PHKG1: variants seen among roughly 807,000 people sequenced by gnomAD.
The protein encoded by PHKG1 is phosphorylase b kinase gamma catalytic chain, skeletal muscle/heart isoform.
In PHKG1, 48 loss-of-function variants were observed where a neutral mutation model predicts 50.5. That is an observed-to-expected ratio of 0.95 (90% CI 0.75 to 1.21). The LOEUF (loss-of-function observed/expected upper bound fraction) is 1.21. PHKG1 is among the 50% of genes most tolerant of loss of function. The pLI, the probability that PHKG1 is intolerant of heterozygous loss-of-function variation, is 0.00. For missense variants in PHKG1, 487 were observed against 519.5 expected, an observed-to-expected ratio of 0.94 and a Z score of 0.61; for synonymous variants, 204 against 212.8, an observed-to-expected ratio of 0.96 and a Z score of 0.36.
intron 6 of PHKG1, 67 bp downstream of exon 6, chr7:56,083,211 C>G: frequency 7.0e-7 from 1 of 1,438,450 alleles, no homozygotes; most frequent in Non-Finnish European, 9.7e-7. Flanking sequence ...CCCAGACCAT[C>G]TCTATTCTGC....
chr7:56,086,902 G>C, intron 4 of PHKG1, 68 bp downstream of exon 4: 1 of 1,215,994 alleles, frequency 8.2e-7, no homozygotes. Context: ...AGGCAGCCCT[G>C]GGGTTGGGGA....
At position 56,081,779 on chromosome 7, in the gene PHKG1, C is replaced by T. The variant is rs553044455; in HGVS notation, c.793-24G>A. The T allele has an allele frequency of 5.8e-6, 9 of 1,563,618 alleles. No individual in the cohort carries two copies. The highest frequency in any genetic ancestry group is 3.4e-5 in the South Asian group (3 of 88,012). Reference sequence around the variant, plus strand: ...ACCTGTGAGAGGAGGAGAGGGGAACCGAGAATGTCAAGGCAGGTCCCCTCC... The same window carrying T: ...ACCTGTGAGAGGAGGAGAGGGGAACTGAGAATGTCAAGGCAGGTCCCCTCC... On this transcript the variant is annotated intron_variant, in intron 8 of 9. Coordinates refer to ENST00000297373, the MANE Select transcript of PHKG1 (RefSeq NM_006213.5). The surrounding 1 kb of genome is among the most constrained non-coding windows in gnomAD (Gnocchi z 4.6).
In PHKG1 at chr7:56,080,732, ACT is replaced by A. The variant is rs1562874717; in HGVS notation, c.*320_*321del. The A allele has an allele frequency of 2.7e-6, 1 of 373,052 alleles. No homozygotes were observed. Among genetic ancestry groups the A allele is most frequent in the Non-Finnish European group, 5.0e-6 (1 of 200,080 alleles). 23.1% of individuals were successfully genotyped at this position (373,052 alleles called of 1,614,324 possible). A position where few individuals can be genotyped will look rare whatever the true frequency, so the allele number is the denominator to read the frequency against. ...AGGGAAGAAAGCCTGAGTGTCAGTA[ACT>A]CTGGGCCTCCCCTAAAGAGAAATGG... On this transcript the variant is annotated 3_prime_UTR_variant, in exon 10 of 10. Transcript: ENST00000297373.
intron 1 of PHKG1, among the ~76,000 whole-genome samples, chr7:56,091,804 G>A (rs545341471): frequency 6.6e-6 from 1 of 152,326 alleles, no homozygotes; most frequent in Non-Finnish European, 1.5e-5. Flanking sequence ...CCAGAAGAAG[G>A]TTTAGAATAA....
At chr7:56,089,760 GT>G (rs1278471714) in intron 1 of PHKG1, among the ~76,000 whole-genome samples, 2 of 152,108 alleles carry the variant, frequency 1.3e-5, no homozygotes, top group Admixed American at 1.3e-4. Flanking sequence ...CTGACCTCAG[GT>G]GATCCTCCCA....
intron 4 of PHKG1, among the ~76,000 whole-genome samples, chr7:56,086,064 C>G (rs933348434): frequency 6.6e-6 from 1 of 151,642 alleles, no homozygotes; most frequent in Non-Finnish European, 1.5e-5. Flanking sequence ...CCTGCAGGAC[C>G]TGGTCTTTGG....
intron 2 of PHKG1, 50 bp downstream of exon 2, chr7:56,088,809 G>C (rs533587689): frequency 1.5e-6 from 2 of 1,291,224 alleles, no homozygotes; most frequent in Non-Finnish European, 2.2e-6. Flanking sequence ...TAGCCCACAG[G>C]GTCTGCTGGA....
At position 56,081,794 on chromosome 7, in the gene PHKG1, A is replaced by C; in HGVS notation, c.793-39T>G. The C allele has an allele frequency of 6.5e-7, 1 of 1,547,264 alleles. No homozygotes were observed. On this transcript the variant is annotated intron_variant, in intron 8 of 9. Coordinates refer to ENST00000297373, the MANE Select transcript of PHKG1 (RefSeq NM_006213.5). The surrounding 1 kb of genome is among the most constrained non-coding windows in gnomAD (Gnocchi z 4.6). ...AGAGGGGAACCGAGAATGTCAAGGC[A>C]GGTCCCCTCCAGCATGTCAGGAAAG... is the stretch of plus-strand genomic sequence containing the variant.
rs982358560 is a variant in PHKG1, at chr7:56,083,142, C to T, written c.547+136G>A. 14 of 717,138 alleles carry T rather than the reference C, an allele frequency of 2.0e-5. No homozygotes were observed. In the African/African-American group the frequency reaches 2.2e-4, roughly 11 times the overall value. The allele number at this position is 717,138 out of a possible 1,614,324, so 44.4% of individuals were successfully genotyped here. Reference sequence around the variant, plus strand: ...AAAAGAAAGAAAAAGAAAAAAAAATCCCTAGCCCTTGAAATGGTGGAATTT... The same window carrying T: ...AAAAGAAAGAAAAAGAAAAAAAAATTCCTAGCCCTTGAAATGGTGGAATTT... On this transcript the variant is annotated intron_variant, in intron 6 of 9. Transcript: ENST00000297373.
rs768600789 is a variant in PHKG1, at chr7:56,081,176, C to T, written c.1042G>A (p.Asp348Asn). 33 of 1,613,780 alleles carry T rather than the reference C, an allele frequency of 2.0e-5. No homozygotes were observed. Among genetic ancestry groups the T allele is most frequent in the Admixed American group, 1.0e-4 (6 of 59,986 alleles). Reference sequence around the variant, plus strand: ...CCATAGATTCGGAAAGCGTAGGCGTCGATGAGCCGGCGCAGAGGCCGGAGG... The same window carrying T: ...CCATAGATTCGGAAAGCGTAGGCGTTGATGAGCCGGCGCAGAGGCCGGAGG... Reference protein sequence around the residue: ...YALRPLRRLIDAYAFRIYGHW... With the variant: ...YALRPLRRLINAYAFRIYGHW... Residue 348 changes from aspartate (D) to asparagine (N), a missense_variant, in exon 10 of 10, where the codon GAC (aspartate) becomes AAC (asparagine). By Grantham distance (23) the Asp-to-Asn change is conservative (BLOSUM62 1). Transcript: ENST00000297373. The surrounding 1 kb of genome is among the most constrained non-coding windows in gnomAD (Gnocchi z 4.6).
At chr7:56,090,906 C>G (rs922289320) in intron 1 of PHKG1, among the ~76,000 whole-genome samples, 1 of 152,172 alleles carries the variant, frequency 6.6e-6, no homozygotes, top group Non-Finnish European at 1.5e-5. Context: ...GGGAACTCAA[C>G]TCCTGCTTCA....
At position 56,083,427 on chromosome 7, in the gene PHKG1, G is replaced by A; in HGVS notation, c.398C>T (p.Ala133Val). 6.2e-7 allele frequency: 1 copy of A among 1,614,172 alleles called. No homozygotes were observed. ...CAAGGTGCAGATCACCTCCAGCAGA[G>A]CTCGCATGATCTTTCTAGGGTGGGG... is the stretch of plus-strand genomic sequence containing the variant. Reference protein sequence around the residue: ...SEKETRKIMRALLEVICTLHK... With the variant: ...SEKETRKIMRVLLEVICTLHK... Residue 133 changes from alanine (A) to valine (V), a missense_variant, in exon 6 of 10, where the codon GCT becomes GTT. Transcript: ENST00000297373.
chr7:56,083,171 T>C, intron 6 of PHKG1, 107 bp downstream of exon 6: 1 of 976,674 alleles, frequency 1.0e-6, no homozygotes, highest in East Asian at 2.6e-5. Context: ...GGAATTTTTA[T>C]TCCAGGGAAC....
At chr7:56,084,476 C>G (rs1333319895) in intron 4 of PHKG1, among the ~76,000 whole-genome samples, 2 of 150,646 alleles carry the variant, frequency 1.3e-5, no homozygotes, top group East Asian at 3.9e-4. Context: ...CAGGTTCAAG[C>G]AATTCTCCTA....
At chr7:56,090,198 C>T (rs1328526566) in intron 1 of PHKG1, among the ~76,000 whole-genome samples, 1 of 152,152 alleles carries the variant, frequency 6.6e-6, no homozygotes, top group Non-Finnish European at 1.5e-5. Context: ...TCACTGCAAC[C>T]TCCACCTCCA....
At chr7:56,084,363 T>G in intron 4 of PHKG1, 1 of 552,562 alleles carries the variant, frequency 1.8e-6, no homozygotes, top group Non-Finnish European at 3.1e-6. Flanking sequence ...AGGACGTGAG[T>G]ATCCCGATTT....
chr7:56,083,502 G>T lies in PHKG1; in HGVS notation c.384-61C>A. On this transcript the variant is annotated intron_variant, in intron 5 of 9. Transcript: ENST00000297373. The stretch of plus-strand genomic sequence containing the variant: ...CTCAGGGTCAGGTAACAGGCAGGGA[G>T]ACACAGCTCACATTTCAGCCACACT... 2.5e-6 allele frequency: 4 copies of T among 1,585,170 alleles called. No homozygotes were observed. The South Asian group carries it at 4.4e-5, about 18-fold the overall frequency.
At chr7:56,083,183 ATTAAG>A in intron 6 of PHKG1, 90 bp downstream of exon 6, 2 of 1,102,416 alleles carry the variant, frequency 1.8e-6, no homozygotes, top group Non-Finnish European at 2.6e-6. Flanking sequence ...CCAGGGAACA[ATTAAG>A]TTAGGGGAGA....
intron 4 of PHKG1, among the ~76,000 whole-genome samples, chr7:56,084,552 T>G (rs1247011245): frequency 6.6e-6 from 1 of 151,990 alleles, no homozygotes; most frequent in African/African-American, 2.4e-5. Flanking sequence ...TTTTGTATTT[T>G]TAGTAGAGAC....
Sources: allele counts gnomAD v4.1 joint callset (sites outside exome capture counted in the v4.1 genomes callset), GRCh38; gene constraint gnomAD v4.1.1; non-coding constraint Gnocchi (gnomAD v3.1); transcripts MANE v1.5; gene names NCBI Gene and HGNC (gene_info 2026-07-23, HGNC 2026-07-21).